Variants in AP1S3 observed in about 807,000 individuals in gnomAD.
The protein encoded by AP1S3 is AP-1 complex subunit sigma-3.
Under a neutral mutation model 20.9 loss-of-function variants are expected in AP1S3, and 10 were observed. The observed-to-expected ratio is 0.48, with a 90% CI of 0.29 to 0.81. The LOEUF is 0.81. Ranked by LOEUF, AP1S3 falls within the 30% of genes least tolerant of loss-of-function variation. The pLI, the probability that AP1S3 is intolerant of heterozygous loss-of-function variation, is 0.08. For missense variants in AP1S3, 154 were observed against 183.8 expected (o/e 0.84, Z 0.94); for synonymous variants, 41 against 61.5 (o/e 0.67, Z 1.56).
intron 1 of AP1S3, among the ~76,000 whole-genome samples, chr2:223,821,655 C>A (rs538973243): frequency 6.6e-6 from 1 of 152,116 alleles, no homozygotes; most frequent in Non-Finnish European, 1.5e-5. Context: ...CCACGTGCCC[C>A]CTATGTGCAT....
chr2:223,764,220 A>G (rs1346689515), intron 4 of AP1S3, among the ~76,000 whole-genome samples: 1 of 152,104 alleles, frequency 6.6e-6, no homozygotes, highest in Admixed American at 6.6e-5. Context: ...CATCCGGCCA[A>G]ATGCTGATTT....
At chr2:223,799,786 C>T (rs1691424211) in intron 1 of AP1S3, among the ~76,000 whole-genome samples, 1 of 152,176 alleles carries the variant, frequency 6.6e-6, no homozygotes, top group Admixed American at 6.5e-5. Flanking sequence ...GAAATCTTCT[C>T]ATGAACCTAG....
At chr2:223,797,654 T>C (rs890711639) in intron 1 of AP1S3, among the ~76,000 whole-genome samples, 2 of 151,956 alleles carry the variant, frequency 1.3e-5, no homozygotes, top group East Asian at 3.9e-4. Context: ...CAATCTCAAC[T>C]ACCTGGGAGG....
At chr2:223,799,087 AGAGG>A (rs1691411098) in intron 1 of AP1S3, among the ~76,000 whole-genome samples, 1 of 152,118 alleles carries the variant, frequency 6.6e-6, no homozygotes, top group African/African-American at 2.4e-5. Context: ...AAAAAGAGAG[AGAGG>A]GAGATAAGAA....
At chr2:223,770,044 G>A (rs13424160) in intron 3 of AP1S3, among the ~76,000 whole-genome samples, 1,617 of 151,944 alleles carry the variant, frequency 0.011, 23 homozygotes, top group African/African-American at 0.034. Context: ...GCGCCCGGCC[G>A]CGATCCTATT....
At chr2:223,769,490 C>G (rs1690558099) in intron 3 of AP1S3, among the ~76,000 whole-genome samples, 1 of 152,112 alleles carries the variant, frequency 6.6e-6, no homozygotes, top group African/African-American at 2.4e-5. Flanking sequence ...CATTTCTTGC[C>G]TTGTCTACAA....
intron 4 of AP1S3, among the ~76,000 whole-genome samples, chr2:223,763,455 G>C (rs758171580): frequency 6.6e-6 from 1 of 151,948 alleles, no homozygotes; most frequent in Admixed American, 6.6e-5. Context: ...TCTCCTGTAA[G>C]GAGACTCCAC....
chr2:223,824,548 G>A lies in AP1S3; in HGVS notation c.3+12900C>T, dbSNP rs35597700. On this transcript the variant is annotated intron_variant, in intron 1 of 4. Coordinates refer to ENST00000396654, the MANE Select transcript of AP1S3 (RefSeq NM_001039569.2). ...TTTCTCCAAATGCAAAAGGCAGGTG[G>A]GGTTTTTTTTTGAGAATCTTGCTCT... Among the ~76,000 whole-genome samples, 806 of 113,780 alleles carry A rather than the reference G, an allele frequency of 7.1e-3. 5 individuals carry two copies. The highest frequency in any genetic ancestry group is 0.024 in the African/African-American group (744 of 31,440). 74.6% of individuals were successfully genotyped at this position (113,780 alleles called of 152,430 possible).
chr2:223,828,525 C>T (rs1384445578), intron 1 of AP1S3, among the ~76,000 whole-genome samples: 2 of 152,086 alleles, frequency 1.3e-5, no homozygotes, highest in Non-Finnish European at 2.9e-5. Flanking sequence ...CCCACATGGC[C>T]CACCTGCAAC....
At chr2:223,801,518 C>T (rs999332959) in intron 1 of AP1S3, among the ~76,000 whole-genome samples, 1 of 152,044 alleles carries the variant, frequency 6.6e-6, no homozygotes, top group Non-Finnish European at 1.5e-5. Flanking sequence ...AGTGCAGTGG[C>T]GCTGCAATCT....
At chr2:223,823,148 A>G (rs1692031151) in intron 1 of AP1S3, among the ~76,000 whole-genome samples, 4 of 152,226 alleles carry the variant, frequency 2.6e-5, no homozygotes, top group Admixed American at 2.6e-4. Flanking sequence ...TGGGAATGTA[A>G]ATTAGTACAG....
intron 3 of AP1S3, among the ~76,000 whole-genome samples, chr2:223,767,173 A>G (rs1485073574): frequency 6.6e-6 from 1 of 151,976 alleles, no homozygotes; most frequent in Non-Finnish European, 1.5e-5. Flanking sequence ...CCAGAACTTA[A>G]AGTGTAATTT....
chr2:223,756,874 T>C lies in AP1S3; in HGVS notation c.*1841A>G. 1.0e-6 allele frequency: 1 copy of C among 985,114 alleles called. No individual in the cohort carries two copies. Among genetic ancestry groups the C allele is most frequent in the Non-Finnish European group, 1.2e-6 (1 of 829,902 alleles). 61.0% of individuals were successfully genotyped at this position (985,114 alleles called of 1,614,324 possible). On this transcript the variant is annotated 3_prime_UTR_variant, in exon 5 of 5. Coordinates refer to ENST00000396654, the MANE Select transcript of AP1S3 (RefSeq NM_001039569.2). ...CACTCTTCTAGGAAATCACTGGAGG[T>C]CCCAAACCACTCTAATATGAATGAT...
intron 1 of AP1S3, among the ~76,000 whole-genome samples, chr2:223,834,901 C>T (rs1031950052): frequency 6.6e-6 from 1 of 152,090 alleles, no homozygotes; most frequent in Non-Finnish European, 1.5e-5. Context: ...TTGCAAATCT[C>T]CTTAATGTCT....
At position 223,760,387 on chromosome 2, in the gene AP1S3, T is replaced by G. The variant is rs146195793; in HGVS notation, c.430-1637A>C. On this transcript the variant is annotated intron_variant, in intron 4 of 4. Transcript: ENST00000396654. ...CCGAGCAAGATTGCTCAGGAGATAC[T>G]AGGGCTAGAAATCTGCCCTTACCTT... Among the ~76,000 whole-genome samples the G allele has an allele frequency of 1.7e-3, 252 of 152,344 alleles. 2 individuals carry two copies. The highest frequency in any genetic ancestry group is 5.9e-3 in the African/African-American group (246 of 41,580).
chr2:223,786,503 C>A (rs1691077879), intron 1 of AP1S3, among the ~76,000 whole-genome samples: 1 of 151,952 alleles, frequency 6.6e-6, no homozygotes, highest in South Asian at 2.1e-4. Context: ...CATGTAACCC[C>A]AGCACTTTGG....
At chr2:223,777,901 A>G in intron 1 of AP1S3, 32 bp from the exon 2 acceptor site, 1 of 1,582,814 alleles carries the variant, frequency 6.3e-7, no homozygotes, top group South Asian at 1.2e-5. Context: ...ACAGAACCTG[A>G]TCAACCAAGT....
At chr2:223,775,079 G>A (rs1449048006) in intron 3 of AP1S3, among the ~76,000 whole-genome samples, 1 of 151,512 alleles carries the variant, frequency 6.6e-6, no homozygotes, top group Admixed American at 6.6e-5. Context: ...GGTGAGCAAG[G>A]GTCCAGTGCT....
intron 1 of AP1S3, among the ~76,000 whole-genome samples, chr2:223,818,426 A>AAG (rs1192756450): frequency 2.0e-5 from 3 of 151,876 alleles, no homozygotes; most frequent in Non-Finnish European, 4.4e-5. Context: ...CCATCTCAAA[A>AAG]AAAAAAAATG....
Sources: allele counts gnomAD v4.1 joint callset (sites outside exome capture counted in the v4.1 genomes callset), GRCh38; gene constraint gnomAD v4.1.1; transcripts MANE v1.5; gene names NCBI Gene and HGNC (gene_info 2026-07-23, HGNC 2026-07-21).